Variants in COX7B2 observed in about 807,000 individuals in gnomAD.
The protein encoded by COX7B2 is cytochrome c oxidase subunit 7B2.
For missense variants in COX7B2, 109 were observed against 95.9 expected (o/e 1.14, Z -0.57); for synonymous variants, 37 against 32.1 (o/e 1.15, Z -0.51).
chr4:46,775,758 A>G (rs1435485398), intron 2 of COX7B2, among the ~76,000 whole-genome samples: 1 of 152,106 alleles, frequency 6.6e-6, no homozygotes, highest in Non-Finnish European at 1.5e-5. Context: ...TTATAAGTAA[A>G]TTTTGGTTAA....
chr4:46,823,312 G>A (rs1365834412), intron 2 of COX7B2, among the ~76,000 whole-genome samples: 1 of 151,278 alleles, frequency 6.6e-6, no homozygotes, highest in East Asian at 1.9e-4. Flanking sequence ...GTATTTCTAT[G>A]TATGTGCACA....
chr4:46,842,344 C>T (rs914114326), intron 2 of COX7B2, among the ~76,000 whole-genome samples: 1 of 151,948 alleles, frequency 6.6e-6, no homozygotes, highest in African/African-American at 2.4e-5. Context: ...AATCAGTAGA[C>T]ATGAATAAGC....
rs539721538 is a variant in COX7B2, at chr4:46,811,327, C to CT, written c.-50+33632dup. 6.8e-3 allele frequency among the ~76,000 whole-genome samples: 978 copies of CT among 144,874 alleles called. 12 individuals are homozygous for CT. The highest frequency in any genetic ancestry group is 0.021 in the African/African-American group (846 of 39,614). On this transcript the variant is annotated intron_variant, in intron 2 of 2. Transcript: ENST00000355591. ...AATGGTGTGCCATCAGGCCTATAGGCTTTTTTTTTTTAACTATTTTAATTT... is the reference window on the plus strand; with the variant it reads ...AATGGTGTGCCATCAGGCCTATAGGCTTTTTTTTTTTTAACTATTTTAATTT...
chr4:46,790,930 AT>A (rs1037211087), intron 2 of COX7B2, among the ~76,000 whole-genome samples: 5 of 152,210 alleles, frequency 3.3e-5, no homozygotes, highest in African/African-American at 1.2e-4. Context: ...GGTCCATTTC[AT>A]GAGAGAAGTT....
At chr4:46,888,454 T>A (rs1310725765) in intron 1 of COX7B2, among the ~76,000 whole-genome samples, 1 of 151,604 alleles carries the variant, frequency 6.6e-6, no homozygotes, top group Non-Finnish European at 1.5e-5. Context: ...TTTTTTTTTC[T>A]TTTTTTTGAG....
chr4:46,904,509 A>G (rs552484654), intron 1 of COX7B2, among the ~76,000 whole-genome samples: 1 of 151,740 alleles, frequency 6.6e-6, no homozygotes, highest in Admixed American at 6.5e-5. Flanking sequence ...CACTGAGATA[A>G]TATTTTTCAC....
At chr4:46,745,377 C>G (rs1714960550) in intron 2 of COX7B2, among the ~76,000 whole-genome samples, 1 of 152,194 alleles carries the variant, frequency 6.6e-6, no homozygotes. Context: ...ATGAGAAGAA[C>G]ACATAACAGC....
intron 1 of COX7B2, among the ~76,000 whole-genome samples, chr4:46,868,510 C>T (rs1326447377): frequency 3.3e-5 from 5 of 152,078 alleles, no homozygotes; most frequent in African/African-American, 7.2e-5. Context: ...GGCATTAGTC[C>T]TATAAATTTC....
chr4:46,847,187 T>C (rs1430679465), intron 1 of COX7B2, among the ~76,000 whole-genome samples: 1 of 152,094 alleles, frequency 6.6e-6, no homozygotes, highest in Admixed American at 6.6e-5. Flanking sequence ...TTCACATCCC[T>C]GTATGATTCC....
At chr4:46,735,296 G>A (rs759731935) in intron 2 of COX7B2, 55 bp from the exon 3 acceptor site, 84 of 1,309,002 alleles carry the variant, frequency 6.4e-5, no homozygotes, top group Non-Finnish European at 8.3e-5. Flanking sequence ...AATTCCTTCC[G>A]CTTTGAATGT....
chr4:46,788,447 G>A (rs1335380299), intron 2 of COX7B2, among the ~76,000 whole-genome samples: 2 of 152,064 alleles, frequency 1.3e-5, no homozygotes, highest in African/African-American at 2.4e-5. Context: ...ACAGCTAGGG[G>A]TCATTTCTCA....
At chr4:46,813,905 A>G (rs1006041552) in intron 2 of COX7B2, among the ~76,000 whole-genome samples, 1 of 152,210 alleles carries the variant, frequency 6.6e-6, no homozygotes, top group East Asian at 1.9e-4. Context: ...AAGGAGACAT[A>G]CAAGTGGCCA....
At chr4:46,831,125 C>T (rs1306358739) in intron 2 of COX7B2, among the ~76,000 whole-genome samples, 2 of 152,174 alleles carry the variant, frequency 1.3e-5, no homozygotes, top group Admixed American at 1.3e-4. Flanking sequence ...GTGGGCCCCG[C>T]ATTGGGAGTG....
chr4:46,758,129 C>T (rs1456836093), intron 2 of COX7B2, among the ~76,000 whole-genome samples: 1 of 152,056 alleles, frequency 6.6e-6, no homozygotes, highest in Non-Finnish European at 1.5e-5. Context: ...TTCTACAATA[C>T]TTTATGGTAA....
At chr4:46,780,233 C>A (rs1428017001) in intron 2 of COX7B2, among the ~76,000 whole-genome samples, 1 of 152,098 alleles carries the variant, frequency 6.6e-6, no homozygotes, top group Non-Finnish European at 1.5e-5. Flanking sequence ...TAAACCCCTG[C>A]TGGCCGGGCA....
chr4:46,859,376 G>A (rs978806299), intron 1 of COX7B2, among the ~76,000 whole-genome samples: 1 of 152,162 alleles, frequency 6.6e-6, no homozygotes, highest in African/African-American at 2.4e-5. Context: ...TTAGGGGTCA[G>A]ATACCTATTT....
intron 1 of COX7B2, among the ~76,000 whole-genome samples, chr4:46,898,494 C>G (rs935143678): frequency 3.3e-5 from 5 of 152,142 alleles, no homozygotes; most frequent in Non-Finnish European, 7.4e-5. Context: ...CATGGCTCAC[C>G]GCAACCTCAT....
intron 2 of COX7B2, among the ~76,000 whole-genome samples, chr4:46,822,587 C>T (rs891236581): frequency 7.2e-5 from 11 of 152,090 alleles, no homozygotes; most frequent in African/African-American, 2.7e-4. Context: ...AAAATAACTA[C>T]ATTAAAAAAC....
chr4:46,800,134 A>G (rs1718576388), intron 2 of COX7B2, among the ~76,000 whole-genome samples: 2 of 152,210 alleles, frequency 1.3e-5, no homozygotes, highest in Admixed American at 1.3e-4. Context: ...GATAACACAA[A>G]CAGATGGTGT....
Sources: gnomAD v4.1 joint callset for allele counts (sites outside exome capture counted in the v4.1 genomes callset) on GRCh38, gnomAD v4.1.1 for gene constraint, MANE v1.5 for transcripts, NCBI Gene and HGNC (gene_info 2026-07-23, HGNC 2026-07-21) for gene names.